Variants in CD3E observed in about 807,000 individuals in gnomAD.
CD3E encodes T-cell surface glycoprotein CD3 epsilon chain.
In CD3E, 16 loss-of-function variants were observed where a neutral mutation model predicts 34.7. The observed-to-expected ratio is 0.46, with a 90% CI of 0.31 to 0.70. The LOEUF is 0.70. Ranked by LOEUF, CD3E falls within the 30% of genes least tolerant of loss-of-function variation. The probability of loss-of-function intolerance (pLI) is 0.05; values close to 1 mark genes in which losing one functional copy is unlikely to be tolerated. For missense variants in CD3E, 223 were observed against 253.9 expected, an observed-to-expected ratio of 0.88 and a Z score of 0.83; for synonymous variants, 70 against 90.8, an observed-to-expected ratio of 0.77 and a Z score of 1.30.
intron 3 of CD3E, among the ~76,000 whole-genome samples, chr11:118,308,166 C>G (rs1186995225): frequency 2.0e-5 from 3 of 152,136 alleles, no homozygotes; most frequent in Admixed American, 2.0e-4. Context: ...GAGACTGTCT[C>G]AAAAATAAAA....
At chr11:118,312,350 C>G in intron 5 of CD3E, 180 bp downstream of exon 5, 1 of 764,346 alleles carries the variant, frequency 1.3e-6, no homozygotes, top group Non-Finnish European at 2.3e-6. Context: ...TTACATCCAT[C>G]TTACCCTTCC....
Position 118,314,614 on chromosome 11 carries a change from C to A in CD3E, c.567+120C>A. 4.7e-6 allele frequency: 4 copies of A among 846,472 alleles called. No individual in the cohort carries two copies. The South Asian group carries it at 5.7e-5, about 12-fold the overall frequency. 52.4% of individuals were successfully genotyped at this position (846,472 alleles called of 1,614,324 possible). Reference sequence around the variant, plus strand: ...CCTCAAAGCCCCTCACTCAGGGCTTCCATTACAACCCTCTATGTGCCACCT... The same window carrying A: ...CCTCAAAGCCCCTCACTCAGGGCTTACATTACAACCCTCTATGTGCCACCT... On this transcript the variant is annotated intron_variant, in intron 8 of 8. Coordinates refer to ENST00000361763, the MANE Select transcript of CD3E (RefSeq NM_000733.4).
intron 5 of CD3E, 182 bp from the exon 6 acceptor site, chr11:118,312,436 T>C: frequency 3.9e-6 from 3 of 766,680 alleles, no homozygotes; most frequent in Non-Finnish European, 2.2e-6. Flanking sequence ...GGTTCTCTAG[T>C]TCCCTTCATT....
At chr11:118,313,251 A>AT (rs1213113765) in intron 6 of CD3E, 2 of 358,002 alleles carry the variant, frequency 5.6e-6, no homozygotes, top group Admixed American at 4.1e-5. Flanking sequence ...GTAAAATGGC[A>AT]TAAGCTAAGG....
At position 118,313,854 on chromosome 11, in the gene CD3E, G is replaced by C; in HGVS notation, c.500G>C (p.Gly167Ala). Residue 167 changes from glycine (G) to alanine (A), a missense_variant, in exon 7 of 9, where the codon GGT (glycine) becomes GCT (alanine). Transcript: ENST00000361763. ...AKAKPVTRGA[G>A]AGGRQRGQNK... Reference sequence around the variant, plus strand: ...GCCAAGCCTGTGACACGAGGAGCGGGTGCTGGCGGCAGGCAAAGGGGTAAG... The same window carrying C: ...GCCAAGCCTGTGACACGAGGAGCGGCTGCTGGCGGCAGGCAAAGGGGTAAG... The C allele has an allele frequency of 6.2e-7, 1 of 1,613,600 alleles. No homozygotes were observed. The highest frequency in any genetic ancestry group is 8.5e-7 in the Non-Finnish European group (1 of 1,180,042).
intron 8 of CD3E, 103 bp downstream of exon 8, chr11:118,314,597 C>G: frequency 9.5e-7 from 1 of 1,051,726 alleles, no homozygotes; most frequent in Non-Finnish European, 1.5e-6. Flanking sequence ...TGCCTCAAAG[C>G]CCCTCACTCA....
intron 3 of CD3E, among the ~76,000 whole-genome samples, chr11:118,307,665 G>T (rs1404167326): frequency 6.6e-6 from 1 of 152,168 alleles, no homozygotes; most frequent in Non-Finnish European, 1.5e-5. Flanking sequence ...AAGCTGCTGG[G>T]GCAACATTTG....
At chr11:118,310,315 T>C (rs1189085990) in intron 4 of CD3E, among the ~76,000 whole-genome samples, 4 of 152,162 alleles carry the variant, frequency 2.6e-5, no homozygotes, top group Non-Finnish European at 5.9e-5. Context: ...GTGTGTCATT[T>C]CCCTCTGTGT....
chr11:118,314,634 C>A, intron 8 of CD3E, 140 bp downstream of exon 8: 1 of 732,170 alleles, frequency 1.4e-6, no homozygotes, highest in Non-Finnish European at 2.4e-6. Context: ...CCTCTATGTG[C>A]CACCTCTGCG....
At chr11:118,315,386 C>T in intron 8 of CD3E, 100 bp from the exon 9 acceptor site, 1 of 1,043,772 alleles carries the variant, frequency 9.6e-7, no homozygotes, top group Non-Finnish European at 1.5e-6. Context: ...ACTTCAAGTC[C>T]AAAGTTCTTC....
At chr11:118,310,983 G>C (rs953152139) in intron 4 of CD3E, among the ~76,000 whole-genome samples, 6 of 152,180 alleles carry the variant, frequency 3.9e-5, no homozygotes, top group Non-Finnish European at 7.4e-5. Flanking sequence ...CCTCAAGAAG[G>C]AAAGGAGGAA....
rs144452564 is a variant in CD3E, at chr11:118,313,851, C to G, written c.497C>G (p.Ala166Gly). ...KAKAKPVTRG[A>G]GAGGRQRGQN... ...AAGGCCAAGCCTGTGACACGAGGAG[C>G]GGGTGCTGGCGGCAGGCAAAGGGGT... is the stretch of plus-strand genomic sequence containing the variant. Residue 166 changes from alanine to glycine, a missense_variant, in exon 7 of 9, where the codon GCG becomes GGG. Physicochemically the swap from Ala to Gly is moderately conservative, Grantham distance 60. Coordinates refer to ENST00000361763, the MANE Select transcript of CD3E (RefSeq NM_000733.4). 13 of 1,613,392 alleles carry G rather than the reference C, an allele frequency of 8.1e-6. No individual in the cohort carries two copies. Among genetic ancestry groups the G allele is most frequent in the African/African-American group, 2.7e-5 (2 of 74,890 alleles).
In CD3E at chr11:118,304,911, G is replaced by C; in HGVS notation, c.-42G>C. ...TTTTCCAGAAGTAGTAAGTCTGCTGGCCTCCGCCATCTTAGTAAAGTAACA... is the reference window on the plus strand; with the variant it reads ...TTTTCCAGAAGTAGTAAGTCTGCTGCCCTCCGCCATCTTAGTAAAGTAACA... On this transcript the variant is annotated 5_prime_UTR_variant, in exon 2 of 9. Coordinates refer to ENST00000361763, the MANE Select transcript of CD3E (RefSeq NM_000733.4). The C allele has an allele frequency of 6.3e-7, 1 of 1,595,666 alleles. No homozygotes were observed. The highest frequency in any genetic ancestry group is 1.7e-5 in the Admixed American group (1 of 60,010).
intron 3 of CD3E, 113 bp downstream of exon 3, chr11:118,307,421 A>C: frequency 1.1e-6 from 1 of 933,788 alleles, no homozygotes; most frequent in Non-Finnish European, 1.7e-6. Flanking sequence ...GGTCAGGAAA[A>C]GGAGTTTCTG....
intron 7 of CD3E, among the ~76,000 whole-genome samples, chr11:118,314,238 G>A (rs900678004): frequency 1.3e-5 from 2 of 152,096 alleles, no homozygotes; most frequent in African/African-American, 2.4e-5. Flanking sequence ...ATCTTGAGCT[G>A]AGGAAAGTCA....
At chr11:118,312,948 C>T (rs1217370047) in intron 6 of CD3E, 82 bp downstream of exon 6, 1 of 1,544,956 alleles carries the variant, frequency 6.5e-7, no homozygotes, top group Non-Finnish European at 8.9e-7. Flanking sequence ...TTTTCCCTAA[C>T]CCAGCTCACA....
intron 1 of CD3E, 55 bp downstream of exon 1, chr11:118,304,831 G>C (rs1183614455): frequency 2.4e-6 from 2 of 839,956 alleles, no homozygotes; most frequent in African/African-American, 3.3e-5. Context: ...GGGAACAATG[G>C]CCCCAGGGTC....
chr11:118,313,888 G>A lies in CD3E; in HGVS notation c.520+14G>A. 6.2e-7 allele frequency: 1 copy of A among 1,612,334 alleles called. No homozygotes were observed. Among genetic ancestry groups the A allele is most frequent in the Non-Finnish European group, 8.5e-7 (1 of 1,179,912 alleles). ...GCAGGCAAAGGGGTAAGGCTGTGGA[G>A]TCCAGTCAGAGGAGATTCCTGCCAA... On this transcript the variant is annotated intron_variant, in intron 7 of 8. Transcript: ENST00000361763.
chr11:118,310,095 A>C (rs1001783180), intron 4 of CD3E, among the ~76,000 whole-genome samples: 7 of 152,264 alleles, frequency 4.6e-5, no homozygotes, highest in African/African-American at 1.7e-4. Flanking sequence ...GATATGTATA[A>C]AATCTTTGTG....
Sources: gnomAD v4.1 joint callset for allele counts (sites outside exome capture counted in the v4.1 genomes callset) on GRCh38, gnomAD v4.1.1 for gene constraint, MANE v1.5 for transcripts, NCBI Gene and HGNC (gene_info 2026-07-23, HGNC 2026-07-21) for gene names.